RIN2: variants seen among roughly 807,000 people sequenced by gnomAD.
RIN2 encodes the protein Ras and Rab interactor 2.
Under a neutral mutation model 78.0 loss-of-function variants are expected in RIN2, and 36 were observed. The observed-to-expected ratio is 0.46, with a 90% CI of 0.35 to 0.61. The LOEUF (loss-of-function observed/expected upper bound fraction) is 0.61. RIN2 is among the 20% of genes least tolerant of loss of function. RIN2 has a pLI of 0.00. For synonymous variants in RIN2, 466 were observed against 466.8 expected (o/e 1.00, Z 0.02); for missense variants, 1,087 against 1,159.7 (o/e 0.94, Z 0.91).
At chr20:19,953,318 G>A (rs917385484) in intron 4 of RIN2, among the ~76,000 whole-genome samples, 1 of 151,920 alleles carries the variant, frequency 6.6e-6, no homozygotes, top group Non-Finnish European at 1.5e-5. Context: ...TTTTAGCAGA[G>A]ACAGGGTTTC....
chr20:19,799,019 C>T (rs576169621), intron 1 of RIN2, among the ~76,000 whole-genome samples: 2 of 152,214 alleles, frequency 1.3e-5, no homozygotes, highest in South Asian at 4.2e-4. Flanking sequence ...CCCACCTCAG[C>T]CTCCCCAGTA....
intron 2 of RIN2, among the ~76,000 whole-genome samples, chr20:19,820,779 G>A (rs2035903365): frequency 6.6e-6 from 1 of 152,150 alleles, no homozygotes; most frequent in Admixed American, 6.5e-5. Flanking sequence ...GATAGGTCTG[G>A]ACTGGAGCCT....
At chr20:19,774,512 G>GT (rs2034243069) in intron 1 of RIN2, among the ~76,000 whole-genome samples, 1 of 152,210 alleles carries the variant, frequency 6.6e-6, no homozygotes, top group African/African-American at 2.4e-5. Flanking sequence ...AAAGCCATGA[G>GT]TCTCTCTTGT....
chr20:19,886,483 C>CA (rs2038194808), intron 2 of RIN2: 1 of 534,408 alleles, frequency 1.9e-6, no homozygotes, highest in African/African-American at 1.9e-5. Context: ...TGCCTTTGTC[C>CA]ATTAGCGCCG....
chr20:19,775,610 C>T (rs1452404937), intron 1 of RIN2, among the ~76,000 whole-genome samples: 1 of 152,240 alleles, frequency 6.6e-6, no homozygotes, highest in Non-Finnish European at 1.5e-5. Context: ...TGTATACTTA[C>T]ACCAGTCTTG....
chr20:19,921,152 T>C (rs2039901328), intron 3 of RIN2, among the ~76,000 whole-genome samples: 1 of 152,208 alleles, frequency 6.6e-6, no homozygotes. Context: ...GAGCCCACTT[T>C]GATCTCTTTT....
intron 6 of RIN2, among the ~76,000 whole-genome samples, chr20:19,962,892 G>A (rs1294276987): frequency 6.6e-6 from 1 of 152,046 alleles, no homozygotes; most frequent in Non-Finnish European, 1.5e-5. Flanking sequence ...GGGAGGTGGA[G>A]GTTGCAGTGA....
At chr20:19,790,656 C>T (rs2122616418) in intron 1 of RIN2, among the ~76,000 whole-genome samples, 2 of 152,248 alleles carry the variant, frequency 1.3e-5, no homozygotes, top group South Asian at 4.2e-4. Flanking sequence ...ATAGAATAAT[C>T]ATCCACTTAC....
chr20:19,783,563 G>GA (rs1268649801), intron 1 of RIN2, among the ~76,000 whole-genome samples: 1 of 151,924 alleles, frequency 6.6e-6, no homozygotes, highest in Non-Finnish European at 1.5e-5. Flanking sequence ...GAGCTGTCTG[G>GA]ATCTGAATTC....
intron 2 of RIN2, among the ~76,000 whole-genome samples, chr20:19,884,085 C>T (rs931741462): frequency 1.7e-4 from 26 of 149,812 alleles, no homozygotes; most frequent in Admixed American, 5.3e-4. Context: ...TATAGGCATA[C>T]GGGCATGAGC....
At chr20:19,771,753 T>C (rs2034131301) in intron 1 of RIN2, among the ~76,000 whole-genome samples, 1 of 152,204 alleles carries the variant, frequency 6.6e-6, no homozygotes, top group Non-Finnish European at 1.5e-5. Flanking sequence ...TTTCATTTCA[T>C]TAAAACGCTC....
At chr20:19,846,687 C>T (rs1222994259) in intron 2 of RIN2, among the ~76,000 whole-genome samples, 3 of 152,234 alleles carry the variant, frequency 2.0e-5, no homozygotes, top group African/African-American at 7.2e-5. Flanking sequence ...GATTTCCTCT[C>T]TTCCTATTTG....
chr20:19,989,522 T>C lies in RIN2; in HGVS notation c.1763-484T>C, dbSNP rs149148649. ...AACTCTTGACCTCAAATGATCTGCC[T>C]GCCTCAGCCTCCCAAAGTGCTGGGA... On this transcript the variant is annotated intron_variant, in intron 9 of 12. Coordinates refer to ENST00000255006, the MANE Select transcript of RIN2 (RefSeq NM_018993.4). Among the ~76,000 whole-genome samples the C allele has an allele frequency of 4.2e-3, 633 of 152,264 alleles. 7 individuals carry two copies. In the South Asian group the frequency reaches 0.048, roughly 12 times the overall value.
intron 2 of RIN2, among the ~76,000 whole-genome samples, chr20:19,826,477 A>G (rs2036092684): frequency 6.6e-6 from 1 of 152,214 alleles, no homozygotes; most frequent in East Asian, 1.9e-4. Context: ...GCAAGGATGT[A>G]ATTAGCACAT....
intron 1 of RIN2, among the ~76,000 whole-genome samples, chr20:19,767,939 A>AAAT (rs397954297): frequency 6.6e-6 from 1 of 150,630 alleles, no homozygotes; most frequent in African/African-American, 2.5e-5. Context: ...AAAAAAAAAA[A>AAAT]TCAATGCAAG....
At chr20:19,967,476 G>C (rs2041975522) in intron 7 of RIN2, among the ~76,000 whole-genome samples, 1 of 152,236 alleles carries the variant, frequency 6.6e-6, no homozygotes, top group East Asian at 1.9e-4. Context: ...TAAAGAAAGT[G>C]ATTGGATTAT....
intron 9 of RIN2, among the ~76,000 whole-genome samples, chr20:19,985,266 A>G (rs2042587467): frequency 6.6e-6 from 1 of 152,232 alleles, no homozygotes; most frequent in African/African-American, 2.4e-5. Flanking sequence ...TCTCTTCCTT[A>G]ATGGAGGAGT....
rs553166342 is a variant in RIN2, at chr20:19,881,191, G to A, written c.-36-8375G>A. 2.0e-4 allele frequency among the ~76,000 whole-genome samples: 30 copies of A among 152,314 alleles called. No homozygotes were observed. In the South Asian group the frequency reaches 6.2e-3, roughly 32 times the overall value. The stretch of plus-strand genomic sequence containing the variant: ...GAATTGGTTCTCCCTGCTCACTAGA[G>A]CTGATTGTTAAAATTTCATGAACTT... On this transcript the variant is annotated intron_variant, in intron 2 of 12. Transcript: ENST00000255006.
intron 2 of RIN2, chr20:19,886,583 A>G: frequency 1.3e-6 from 1 of 762,818 alleles, no homozygotes; most frequent in Non-Finnish European, 2.2e-6. Flanking sequence ...CCTTAGTCCT[A>G]TGAGGGCTGC....
Sources: allele counts gnomAD v4.1 joint callset (sites outside exome capture counted in the v4.1 genomes callset), GRCh38; gene constraint gnomAD v4.1.1; transcripts MANE v1.5; gene names NCBI Gene and HGNC (gene_info 2026-07-23, HGNC 2026-07-21).